CD96: variants seen among roughly 807,000 people sequenced by gnomAD.
CD96 encodes T-cell surface protein tactile.
CD96 carries 70 observed loss-of-function variants against 71.3 expected under a neutral mutation model. The observed-to-expected ratio is 0.98, with a 90% CI of 0.81 to 1.20. The LOEUF is 1.20. Among genes scored for constraint, CD96 ranks in the 50% most tolerant of loss-of-function variants. The pLI, the probability that CD96 is intolerant of heterozygous loss-of-function variation, is 0.00. For missense variants in CD96, 742 were observed against 677.5 expected (o/e 1.10, Z -1.06); for synonymous variants, 248 against 233.0 (o/e 1.06, Z -0.59).
chr3:111,639,266 C>T (rs890677828), intron 12 of CD96, among the ~76,000 whole-genome samples: 1 of 152,172 alleles, frequency 6.6e-6, no homozygotes, highest in African/African-American at 2.4e-5. Flanking sequence ...TGGAGACAGA[C>T]TCGGGGCTGT....
chr3:111,628,160 A>G (rs1938871706), intron 10 of CD96, among the ~76,000 whole-genome samples: 1 of 152,258 alleles, frequency 6.6e-6, no homozygotes, highest in African/African-American at 2.4e-5. Flanking sequence ...AATGGTTCAG[A>G]TCTGGGCTAA....
intron 12 of CD96, among the ~76,000 whole-genome samples, chr3:111,640,713 A>G (rs1939551116): frequency 6.6e-6 from 1 of 152,246 alleles, no homozygotes; most frequent in Non-Finnish European, 1.5e-5. Context: ...AAGACAAAGG[A>G]CAGAATCTTA....
chr3:111,561,499 G>T (rs1463877878), intron 2 of CD96, among the ~76,000 whole-genome samples: 1 of 147,220 alleles, frequency 6.8e-6, no homozygotes, highest in Non-Finnish European at 1.5e-5. Context: ...CTGCTGCGGG[G>T]TGCCTCCCAG....
At chr3:111,592,023 C>T (rs892412004) in intron 5 of CD96, among the ~76,000 whole-genome samples, 4 of 152,176 alleles carry the variant, frequency 2.6e-5, no homozygotes, top group African/African-American at 9.7e-5. Flanking sequence ...TGGGCTATCT[C>T]TGAGATAATG....
intron 2 of CD96, among the ~76,000 whole-genome samples, chr3:111,555,468 A>G (rs997161355): frequency 2.0e-5 from 3 of 152,300 alleles, no homozygotes; most frequent in African/African-American, 4.8e-5. Context: ...GATAATTTCA[A>G]TGGATATAGA....
chr3:111,600,107 G>A (rs1937426529), intron 6 of CD96, among the ~76,000 whole-genome samples: 1 of 152,176 alleles, frequency 6.6e-6, no homozygotes, highest in South Asian at 2.1e-4. Context: ...AGACAACATA[G>A]CAAAAAGATT....
downstream of CD96, among the ~76,000 whole-genome samples, chr3:111,657,159 C>T (rs1940249020): frequency 6.6e-6 from 1 of 152,114 alleles, no homozygotes; most frequent in Admixed American, 6.5e-5. Flanking sequence ...CAGGCTCACA[C>T]CTGTAATCCC....
At chr3:111,600,474 G>A (rs1576372790) in intron 6 of CD96, among the ~76,000 whole-genome samples, 2 of 152,186 alleles carry the variant, frequency 1.3e-5, no homozygotes, top group East Asian at 3.8e-4. Context: ...TTGGACACAT[G>A]GTCACAAACA....
chr3:111,645,110 C>A lies in CD96; in HGVS notation c.1478-2433C>A, dbSNP rs149397491. Among the ~76,000 whole-genome samples, 390 of 152,070 alleles carry A rather than the reference C, an allele frequency of 2.6e-3. 1 individual carries two copies. Among genetic ancestry groups the A allele is most frequent in the African/African-American group, 8.6e-3 (358 of 41,470 alleles). The stretch of plus-strand genomic sequence containing the variant: ...ACAATTACAAAATCGTGGAACCAAC[C>A]CAAATGCCCATCAATCAATGAGTGG... On this transcript the variant is annotated intron_variant, in intron 12 of 13. Coordinates refer to ENST00000352690, the MANE Select transcript of CD96 (RefSeq NM_005816.5).
At chr3:111,562,737 C>A (rs1436504506) in intron 2 of CD96, among the ~76,000 whole-genome samples, 2 of 152,220 alleles carry the variant, frequency 1.3e-5, no homozygotes. Flanking sequence ...GTCCAGACTT[C>A]CTGGGCTTTT....
intron 2 of CD96, among the ~76,000 whole-genome samples, chr3:111,563,338 A>G (rs1935549020): frequency 6.6e-6 from 1 of 152,222 alleles, no homozygotes; most frequent in South Asian, 2.1e-4. Context: ...GAAAAGGTGA[A>G]AGGTTTCTAT....
intron 8 of CD96, among the ~76,000 whole-genome samples, chr3:111,609,302 T>C (rs1230830467): frequency 6.6e-6 from 1 of 152,188 alleles, no homozygotes. Context: ...GGACTCCAAA[T>C]GCTATCCTTT....
At chr3:111,657,216 G>A (rs901064579), downstream of CD96, among the ~76,000 whole-genome samples, 1 of 151,826 alleles carries the variant, frequency 6.6e-6, no homozygotes, top group Non-Finnish European at 1.5e-5. Context: ...TCAGGAGTTT[G>A]AGACCAGCCT....
chr3:111,588,142 TTC>T (rs1185939363), intron 5 of CD96, among the ~76,000 whole-genome samples: 1 of 152,206 alleles, frequency 6.6e-6, no homozygotes, highest in African/African-American at 2.4e-5. Flanking sequence ...CAAACTTTTA[TTC>T]TCTGTTTATC....
chr3:111,647,475 G>A (rs1303354620), intron 12 of CD96, 68 bp from the exon 13 acceptor site: 1 of 1,409,354 alleles, frequency 7.1e-7, no homozygotes, highest in Non-Finnish European at 1.0e-6. Context: ...TAGGAAAAAT[G>A]GTTTAATCCT....
At chr3:111,547,944 C>T (rs1054301535) in intron 2 of CD96, among the ~76,000 whole-genome samples, 1 of 152,142 alleles carries the variant, frequency 6.6e-6, no homozygotes, top group Non-Finnish European at 1.5e-5. Flanking sequence ...TAAAGGGAGG[C>T]AGTTGCCATC....
At position 111,624,404 on chromosome 3, in the gene CD96, T is replaced by C. The variant is rs150804090; in HGVS notation, c.1321T>C (p.Ser441Pro). Residue 441 changes from serine to proline, a missense_variant and splice_region_variant, in exon 10 of 14, where the codon TCA becomes CCA. Ser to Pro is a moderately conservative substitution (Grantham distance 74). Transcript: ENST00000352690. ...CTCCAGTGGGACAGATACCAAAAAA[T>C]GTTAAGTATAATCGTGGGTCCCTTG... Reference protein sequence around the residue: ...WTSSGTDTKKSVSRIPSETYS... With the variant: ...WTSSGTDTKKPVSRIPSETYS... The C allele has an allele frequency of 8.2e-6, 13 of 1,592,708 alleles. No homozygotes were observed. In the African/African-American group the frequency reaches 1.6e-4, roughly 20 times the overall value.
chr3:111,647,687 T>G (rs767700019), intron 13 of CD96, 21 bp downstream of exon 13: 3 of 1,557,760 alleles, frequency 1.9e-6, no homozygotes, highest in Non-Finnish European at 2.7e-6. Flanking sequence ...TACTAACATA[T>G]GTAGGAACAG....
intron 3 of CD96, among the ~76,000 whole-genome samples, chr3:111,575,326 A>G (rs1050067249): frequency 1.3e-5 from 2 of 152,258 alleles, no homozygotes; most frequent in Non-Finnish European, 2.9e-5. Flanking sequence ...TTAGTGATCA[A>G]GATAAATATT....
Sources: gnomAD v4.1 joint callset for allele counts (sites outside exome capture counted in the v4.1 genomes callset) on GRCh38, gnomAD v4.1.1 for gene constraint, MANE v1.5 for transcripts, NCBI Gene and HGNC (gene_info 2026-07-23, HGNC 2026-07-21) for gene names.